SEL1L: variants seen among roughly 807,000 people sequenced by gnomAD.
SEL1L encodes the protein SEL1L adaptor subunit of SYVN1 ubiquitin ligase, also known as protein sel-1 homolog 1.
A neutral mutation model predicts 109.8 loss-of-function variants in SEL1L; 52 were observed. That is an observed-to-expected ratio of 0.47 (90% CI 0.38 to 0.60). SEL1L has a LOEUF of 0.60. SEL1L is among the 20% of genes least tolerant of loss of function. The pLI is 0.00. For missense variants in SEL1L, 749 were observed against 962.2 expected (o/e 0.78, Z 2.93); for synonymous variants, 373 against 339.6 (o/e 1.10, Z -1.08).
At chr14:81,506,661 C>A (rs1393781250) in intron 3 of SEL1L, among the ~76,000 whole-genome samples, 1 of 152,140 alleles carries the variant, frequency 6.6e-6, no homozygotes, top group African/African-American at 2.4e-5. Flanking sequence ...ATGCTCCCCC[C>A]AAGGCAAAGC....
In SEL1L at chr14:81,506,255, A is replaced by G. The variant is rs778804123; in HGVS notation, c.341-14T>C. ...TGGCGGTCAAAGCTGGAATGACAAG[A>G]AATAAAAATCTAAACATGAAACAAC... On this transcript the variant is annotated splice_polypyrimidine_tract_variant and intron_variant, in intron 3 of 20. Coordinates refer to ENST00000336735, the MANE Select transcript of SEL1L (RefSeq NM_005065.6). 1.9e-6 allele frequency: 3 copies of G among 1,565,734 alleles called. No individual in the cohort carries two copies. The highest frequency in any genetic ancestry group is 1.7e-6 in the Non-Finnish European group (2 of 1,158,150).
intron 10 of SEL1L, among the ~76,000 whole-genome samples, 171 bp from the exon 11 acceptor site, chr14:81,495,308 A>C (rs1883697243): frequency 1.3e-5 from 2 of 152,206 alleles, no homozygotes; most frequent in South Asian, 4.1e-4. Flanking sequence ...TTAACCTAAA[A>C]ATTTTGAAAA....
At chr14:81,507,308 G>A (rs1884278797) in intron 3 of SEL1L, among the ~76,000 whole-genome samples, 1 of 152,188 alleles carries the variant, frequency 6.6e-6, no homozygotes, top group African/African-American at 2.4e-5. Context: ...CCAGTTTAAA[G>A]GTTGTTAACA....
intron 17 of SEL1L, 112 bp downstream of exon 17, chr14:81,486,177 T>G (rs1903513959): frequency 9.4e-7 from 1 of 1,065,512 alleles, no homozygotes; most frequent in Non-Finnish European, 1.4e-6. Flanking sequence ...TCAGTTCCAG[T>G]TACAATAATA....
rs548329465 is a variant in SEL1L at position 81,482,656 on chromosome 14, G to C, written c.2046+1569C>G. 5.3e-5 allele frequency among the ~76,000 whole-genome samples: 8 copies of C among 152,284 alleles called. No homozygotes were observed. The South Asian group carries it at 1.7e-3, about 32-fold the overall frequency. ...TCCAGAAGTTGAATGTACTGAGTTTGCTGCTCCTGAGCCTTGACTGAACTA... is the reference window on the plus strand; with the variant it reads ...TCCAGAAGTTGAATGTACTGAGTTTCCTGCTCCTGAGCCTTGACTGAACTA... On this transcript the variant is annotated intron_variant, in intron 19 of 20. Coordinates refer to ENST00000336735, the MANE Select transcript of SEL1L (RefSeq NM_005065.6).
intron 7 of SEL1L, 42 bp from the exon 8 acceptor site, chr14:81,499,560 A>G (rs569441084): frequency 6.2e-7 from 1 of 1,607,112 alleles, no homozygotes; most frequent in South Asian, 1.1e-5. Context: ...ATAGGCACGC[A>G]TTTATTCAAT....
At position 81,497,965 on chromosome 14, in the gene SEL1L, T is replaced by G; in HGVS notation, c.1055A>C (p.Asn352Thr). The G allele has an allele frequency of 1.2e-6, 2 of 1,614,086 alleles. No homozygotes were observed. Among genetic ancestry groups the G allele is most frequent in the South Asian group, 1.1e-5 (1 of 91,078 alleles). ...LPDEVENPGMNSGMLEEDLIQ... is the reference protein window; with the variant it reads ...LPDEVENPGMTSGMLEEDLIQ... Reference sequence around the variant, plus strand: ...CAAATCTTCTTCTAGCATTCCACTGTTCATTCCTGGATTTTCCACTTCATC... The same window carrying G: ...CAAATCTTCTTCTAGCATTCCACTGGTCATTCCTGGATTTTCCACTTCATC... Residue 352 changes from asparagine (N) to threonine (T), a missense_variant, in exon 10 of 21, where the codon AAC (asparagine) becomes ACC (threonine). Asn to Thr is a moderately conservative substitution (Grantham distance 65). Transcript: ENST00000336735.
chr14:81,516,707 T>C (rs1884715005), intron 3 of SEL1L, among the ~76,000 whole-genome samples: 1 of 152,170 alleles, frequency 6.6e-6, no homozygotes, highest in Non-Finnish European at 1.5e-5. Flanking sequence ...AGAGGGTGAT[T>C]ACAAACTAGT....
At chr14:81,499,777 A>T in intron 6 of SEL1L, 115 bp from the exon 7 acceptor site, 1 of 693,248 alleles carries the variant, frequency 1.4e-6, no homozygotes, top group Non-Finnish European at 2.3e-6. Context: ...TTAAATGCTA[A>T]AAGATTTGAA....
chr14:81,487,665 T>A, intron 15 of SEL1L, 127 bp from the exon 16 acceptor site: 2 of 1,515,070 alleles, frequency 1.3e-6, no homozygotes, highest in South Asian at 1.2e-5. Context: ...GTGAATCTAA[T>A]ACAAGCTAAC....
At chr14:81,491,416 A>G (rs1221103360) in intron 12 of SEL1L, among the ~76,000 whole-genome samples, 1 of 152,238 alleles carries the variant, frequency 6.6e-6, no homozygotes. Context: ...TTTAAAGACA[A>G]TGACAGTAAT....
rs1885434263 is a variant in SEL1L, at chr14:81,533,801, C to T, written c.-57G>A. 4.6e-6 allele frequency: 7 copies of T among 1,536,458 alleles called. No individual in the cohort carries two copies. The highest frequency in any genetic ancestry group is 6.2e-6 in the Non-Finnish European group (7 of 1,121,346). ...GCTGTCGCCTTCGCCTCTGCCACCA[C>T]GGACTCAGCCACCACCGCCGCCTCG... On this transcript the variant is annotated 5_prime_UTR_variant, in exon 1 of 21. The change creates a new upstream start codon in the 5' untranslated region. Coordinates refer to ENST00000336735, the MANE Select transcript of SEL1L (RefSeq NM_005065.6).
intron 14 of SEL1L, chr14:81,488,699 CA>C: frequency 6.5e-6 from 1 of 152,718 alleles, no homozygotes; most frequent in Non-Finnish European, 1.5e-5. Context: ...GAGGTAGAAC[CA>C]AAAAATGTCA....
At chr14:81,500,220 T>C (rs568758251) in intron 6 of SEL1L, among the ~76,000 whole-genome samples, 1 of 152,146 alleles carries the variant, frequency 6.6e-6, no homozygotes, top group South Asian at 2.1e-4. Context: ...CACAATTAAA[T>C]GTAACTTTAT....
rs917151684 is a variant in SEL1L at position 81,487,528 on chromosome 14, T to C, written c.1494A>G (p.Gly498=). ...QLGSMYYNGI[G]VKRDYKQALK... ...AGGCCTGTTTATAATCTCTCTTGAC[T>C]CCAATGCCATCTGTAAGAAAAAAAA... Residue 498 remains glycine, a synonymous_variant, in exon 16 of 21, where the codon GGA becomes GGG. Transcript: ENST00000336735. 4 of 1,594,158 alleles carry C rather than the reference T, an allele frequency of 2.5e-6. No individual in the cohort carries two copies. The Admixed American group carries it at 5.6e-5, about 22-fold the overall frequency.
intron 3 of SEL1L, 125 bp downstream of exon 3, chr14:81,526,608 A>G (rs1255814709): frequency 1.4e-6 from 1 of 734,758 alleles, no homozygotes; most frequent in African/African-American, 1.8e-5. Flanking sequence ...TCCAAACTAC[A>G]CTCCATATAT....
At chr14:81,529,832 A>G (rs996870248) in intron 1 of SEL1L, among the ~76,000 whole-genome samples, 3 of 152,216 alleles carry the variant, frequency 2.0e-5, no homozygotes, top group Non-Finnish European at 4.4e-5. Context: ...AGTTGTTTAT[A>G]ACCTAGGAAC....
rs1903501125 is a variant in SEL1L, at chr14:81,485,738, T to C, written c.1807A>G (p.Ser603Gly). 1 of 1,613,880 alleles carries C rather than the reference T, an allele frequency of 6.2e-7. No individual in the cohort carries two copies. The highest frequency in any genetic ancestry group is 1.7e-5 in the Admixed American group (1 of 59,998). Residue 603 changes from serine (S) to glycine (G), a missense_variant, in exon 18 of 21, where the codon AGC becomes GGC. Physicochemically the swap from Ser to Gly is moderately conservative, Grantham distance 56 (BLOSUM62 0). Around this residue, in one of 2 missense-constraint regions of SEL1L, gnomAD observed 383 missense variants for 562.5 expected, o/e 0.68. Coordinates refer to ENST00000336735, the MANE Select transcript of SEL1L (RefSeq NM_005065.6). ...TAAGTTTCATTCTCACCTACAATGC[T>C]TGCTTCTCCTACAGGAAAAGAAATG... ...AAFILDQREASIVGENETYPR... is the reference protein window; with the variant it reads ...AAFILDQREAGIVGENETYPR...
intron 10 of SEL1L, among the ~76,000 whole-genome samples, chr14:81,496,896 A>G (rs576717828): frequency 1.3e-5 from 2 of 152,326 alleles, no homozygotes; most frequent in Admixed American, 6.5e-5. Context: ...TGGAAATGGT[A>G]AAAGTGCTCA....
Sources: allele counts gnomAD v4.1 joint callset (sites outside exome capture counted in the v4.1 genomes callset), GRCh38; gene constraint gnomAD v4.1.1; regional missense constraint gnomAD v4.1.1; transcripts MANE v1.5; gene names NCBI Gene and HGNC (gene_info 2026-07-23, HGNC 2026-07-21).